Variants in EPN2 observed in about 807,000 individuals in gnomAD.
The protein encoded by EPN2 is epsin 2.
EPN2 carries 34 observed loss-of-function variants against 61.7 expected under a neutral mutation model. That is an observed-to-expected ratio of 0.55 (90% confidence interval 0.42 to 0.73). The LOEUF is 0.73. Ranked by LOEUF, EPN2 falls within the 30% of genes least tolerant of loss-of-function variation. EPN2 has a pLI of 0.00. For synonymous variants in EPN2, 349 were observed against 353.6 expected (o/e 0.99, Z 0.15); for missense variants, 714 against 839.2 (o/e 0.85, Z 1.84).
chr17:19,289,506 A>ATC (rs1478007862), intron 4 of EPN2, among the ~76,000 whole-genome samples: 4 of 152,074 alleles, frequency 2.6e-5, no homozygotes, highest in Non-Finnish European at 5.9e-5. Flanking sequence ...AGCTGCCATC[A>ATC]TCTGAGATGA....
Position 19,285,841 on chromosome 17 carries a change from T to C in EPN2, c.766+51T>C. On this transcript the variant is annotated intron_variant, in intron 4 of 10. Coordinates refer to ENST00000314728, the MANE Select transcript of EPN2 (RefSeq NM_014964.5). The surrounding 1 kb of genome is among the most constrained non-coding windows in gnomAD (Gnocchi z 4.5). Reference sequence around the variant, plus strand: ...TTACTAGAAATGCTGGGCAGCTTGCTGGGGGTGTGCTTGCCATGCCAGTAC... The same window carrying C: ...TTACTAGAAATGCTGGGCAGCTTGCCGGGGGTGTGCTTGCCATGCCAGTAC... 10 of 1,486,428 alleles carry C rather than the reference T, an allele frequency of 6.7e-6. No individual in the cohort carries two copies. Among genetic ancestry groups the C allele is most frequent in the Non-Finnish European group, 7.2e-6 (8 of 1,109,128 alleles). The allele number at this position is 1,486,428 out of a possible 1,614,324, so 92.1% of individuals were successfully genotyped here.
In EPN2 at chr17:19,283,220, G is replaced by A. The variant is rs1290294607; in HGVS notation, c.101G>A (p.Gly34Asp). ...VREATSNDPW[G>D]PSSSLMTEIA... is the part of the protein sequence containing the mutation. ...GAAGCCACCTCCAATGACCCGTGGG[G>A]CCCGTCCAGTTCTCTGATGACCGAG... Residue 34 changes from glycine to aspartate, a missense_variant, in exon 3 of 11, where the codon GGC becomes GAC. This residue lies in a region of EPN2 where 304 missense variants were observed against 417.4 expected (regional missense o/e 0.73). Coordinates refer to ENST00000314728, the MANE Select transcript of EPN2 (RefSeq NM_014964.5). The surrounding 1 kb of genome is among the most constrained non-coding windows in gnomAD (Gnocchi z 7.0). 6.2e-7 allele frequency: 1 copy of A among 1,614,142 alleles called. No homozygotes were observed. The highest frequency in any genetic ancestry group is 8.5e-7 in the Non-Finnish European group (1 of 1,180,022).
intron 1 of EPN2, among the ~76,000 whole-genome samples, chr17:19,256,103 A>C (rs1332823627): frequency 6.6e-6 from 1 of 151,766 alleles, no homozygotes; most frequent in Non-Finnish European, 1.5e-5. Flanking sequence ...ACGCCCGGCT[A>C]ATTTTTTGTA....
intron 1 of EPN2, among the ~76,000 whole-genome samples, chr17:19,241,475 A>G: frequency 6.6e-6 from 1 of 151,422 alleles, no homozygotes; most frequent in Non-Finnish European, 1.5e-5. Context: ...AGTCCCAGCT[A>G]CTCGGGAGGC....
chr17:19,281,026 T>A lies in EPN2; in HGVS notation c.-293-929T>A, dbSNP rs75741890. 6.5e-3 allele frequency among the ~76,000 whole-genome samples: 991 copies of A among 152,322 alleles called. 54 individuals are homozygous for A. The East Asian group carries it at 0.12, about 18-fold the overall frequency. ...ATTGCAAAGGATACAGATGAAGAGA[T>A]GCATAGGCCAGGTGTGGGAGAAGGA... is the stretch of plus-strand genomic sequence containing the variant. On this transcript the variant is annotated intron_variant, in intron 1 of 10. Transcript: ENST00000314728.
At chr17:19,312,995 G>A (rs1598016030) in intron 6 of EPN2, 110 bp from the exon 7 acceptor site, 2 of 1,156,144 alleles carry the variant, frequency 1.7e-6, no homozygotes, top group Non-Finnish European at 2.5e-6. Context: ...CCCTCCTAGA[G>A]GGCTTCACTG....
chr17:19,306,677 A>G (rs1437488013), intron 4 of EPN2, among the ~76,000 whole-genome samples: 1 of 152,208 alleles, frequency 6.6e-6, no homozygotes, highest in Admixed American at 6.6e-5. Flanking sequence ...GGTCCAGTTC[A>G]GAGCCCCGTG....
chr17:19,334,174 A>G lies in EPN2; in HGVS notation c.1846A>G (p.Met616Val), dbSNP rs116449635. ...GSSLTPLGPA[M>V]MNMVGSVGIP... ...CTCTCTGACACCACTGGGCCCTGCA[A>G]TGATGAACATGGTGGGCAGTGTGGG... Residue 616 changes from methionine (M) to valine (V), a missense_variant, in exon 11 of 11, where the codon ATG (methionine) becomes GTG (valine). By Grantham distance (21) the Met-to-Val change is conservative. Around this residue, in one of 2 missense-constraint regions of EPN2, gnomAD observed 410 missense variants for 421.8 expected, o/e 0.97. Coordinates refer to ENST00000314728, the MANE Select transcript of EPN2 (RefSeq NM_014964.5). This position sits in a 1 kb window ranked among gnomAD's most constrained non-coding sequence, Gnocchi z 4.9. The G allele has an allele frequency of 1.6e-3, 2,509 of 1,586,556 alleles. 7 individuals carry two copies. Among genetic ancestry groups the G allele is most frequent in the Non-Finnish European group, 1.8e-3 (2,141 of 1,163,694 alleles).
chr17:19,300,459 G>T (rs1366988992), intron 4 of EPN2, among the ~76,000 whole-genome samples: 1 of 119,334 alleles, frequency 8.4e-6, no homozygotes, highest in Admixed American at 1.0e-4. Flanking sequence ...AGACAGAGTC[G>T]CTCTTGTTGC....
chr17:19,310,810 T>C (rs898732761), intron 5 of EPN2, among the ~76,000 whole-genome samples: 4 of 152,070 alleles, frequency 2.6e-5, no homozygotes, highest in Non-Finnish European at 5.9e-5. Context: ...ACTTCTGACC[T>C]CAAGTGATCT....
chr17:19,248,427 C>T (rs542665030), intron 1 of EPN2: 4 of 152,274 alleles, frequency 2.6e-5, no homozygotes, highest in South Asian at 4.1e-4. Context: ...CCAAGTTCCT[C>T]CCCACACCCT....
intron 4 of EPN2, among the ~76,000 whole-genome samples, chr17:19,287,536 C>G (rs2045417868): frequency 6.6e-6 from 1 of 152,166 alleles, no homozygotes; most frequent in South Asian, 2.1e-4. Context: ...TTTCTTGATG[C>G]TTCACAAAGG....
In EPN2 at chr17:19,331,941, C is replaced by G. The variant is rs753199263; in HGVS notation, c.1500C>G (p.Ser500Arg). 1.2e-6 allele frequency: 2 copies of G among 1,614,198 alleles called. No homozygotes were observed. The highest frequency in any genetic ancestry group is 1.7e-6 in the Non-Finnish European group (2 of 1,180,040). ...CTCAACCCCTGACTGTCGCCTCAAG[C>G]AAGCCCAGCAGTGCCCGGAAAACAC... ...FESQPLTVASSKPSSARKTPE... is the reference protein window; with the variant it reads ...FESQPLTVASRKPSSARKTPE... Residue 500 changes from serine to arginine, a missense_variant, in exon 10 of 11, where the codon AGC (serine) becomes AGG (arginine). Ser to Arg is a moderately radical substitution (Grantham distance 110). Coordinates refer to ENST00000314728, the MANE Select transcript of EPN2 (RefSeq NM_014964.5).
intron 4 of EPN2, among the ~76,000 whole-genome samples, chr17:19,294,151 C>T (rs1370257158): frequency 1.3e-5 from 2 of 151,870 alleles, no homozygotes; most frequent in Admixed American, 1.3e-4. Flanking sequence ...GCTGCAGTGG[C>T]CCATGCCTGT....
intron 1 of EPN2, among the ~76,000 whole-genome samples, chr17:19,261,025 C>A (rs1229919880): frequency 6.6e-6 from 1 of 152,206 alleles, no homozygotes; most frequent in African/African-American, 2.4e-5. Context: ...AGGCACCTGG[C>A]TGTTTCCAGC....
intron 4 of EPN2, among the ~76,000 whole-genome samples, chr17:19,291,489 C>G (rs2045464700): frequency 8.0e-6 from 1 of 125,156 alleles, no homozygotes; most frequent in African/African-American, 3.0e-5. Flanking sequence ...CCAGGCTGGA[C>G]TGCAGTGGCG....
chr17:19,293,815 C>T (rs566975885), intron 4 of EPN2, among the ~76,000 whole-genome samples: 13 of 151,924 alleles, frequency 8.6e-5, no homozygotes, highest in Non-Finnish European at 1.8e-4. Flanking sequence ...AGGCTGGGCG[C>T]GGTGGCTCAT....
rs140366250 is a variant in EPN2, at chr17:19,335,174, T to TA, written c.*930dup. The TA allele has an allele frequency of 0.017, 5,724 of 336,358 alleles. No homozygotes were observed. Among genetic ancestry groups the TA allele is most frequent in the Middle Eastern group, 0.023 (28 of 1,230 alleles). The allele number at this position is 336,358 out of a possible 1,614,324, so 20.8% of individuals were successfully genotyped here. On this transcript the variant is annotated 3_prime_UTR_variant, in exon 11 of 11. Coordinates refer to ENST00000314728, the MANE Select transcript of EPN2 (RefSeq NM_014964.5). ...TTACACATAGATGATGATGTTTATT[T>TA]AAAAAAAAAACAACAGCAACAAAAA...
At chr17:19,312,285 G>A (rs1036208265) in intron 6 of EPN2, 141 bp downstream of exon 6, 3 of 646,102 alleles carry the variant, frequency 4.6e-6, no homozygotes, top group East Asian at 2.7e-5. Context: ...TGTAGTGAGC[G>A]AGAGCCAGGT....
Sources: gnomAD v4.1 joint callset for allele counts (sites outside exome capture counted in the v4.1 genomes callset) on GRCh38, gnomAD v4.1.1 for gene constraint, gnomAD v4.1.1 regional missense constraint, Gnocchi (gnomAD v3.1) non-coding constraint, MANE v1.5 for transcripts, NCBI Gene and HGNC (gene_info 2026-07-23, HGNC 2026-07-21) for gene names.